Variants in DZANK1 observed in about 807,000 individuals in gnomAD.
DZANK1 encodes the protein double zinc ribbon and ankyrin repeat-containing protein 1.
DZANK1 carries 91 observed loss-of-function variants against 94.5 expected under a neutral mutation model. That is an observed-to-expected ratio of 0.96 (90% CI 0.81 to 1.15). The LOEUF is 1.15. DZANK1 is among the 50% of genes most tolerant of loss of function. The probability of loss-of-function intolerance (pLI) is 0.00; values close to 1 mark genes in which losing one functional copy is unlikely to be tolerated. For missense variants in DZANK1, 903 were observed against 916.4 expected (o/e 0.99, Z 0.19); for synonymous variants, 312 against 325.3 (o/e 0.96, Z 0.44).
At position 18,456,476 on chromosome 20, in the gene DZANK1, A is replaced by G. The variant is rs75036189; in HGVS notation, c.264-1115T>C. Among the ~76,000 whole-genome samples, 1,234 of 152,332 alleles carry G rather than the reference A, an allele frequency of 8.1e-3. 23 individuals are homozygous for G. Among genetic ancestry groups the G allele is most frequent in the African/African-American group, 0.028 (1,177 of 41,582 alleles). ...TTAAGTTTCTGGTTCAACGGAATTC[A>G]GTCAATGTAATGTACACAATTTTGT... is the stretch of plus-strand genomic sequence containing the variant. On this transcript the variant is annotated intron_variant, in intron 3 of 20. Transcript: ENST00000262547.
Position 18,412,640 on chromosome 20 carries a change from C to G in DZANK1, c.1432+6G>C. On this transcript the variant is annotated splice_donor_region_variant and intron_variant, in intron 13 of 20. Transcript: ENST00000262547. Reference sequence around the variant, plus strand: ...CGACCAGAAGAAAGGGCATCCTCCCCCTTACCTCTTCCTGGGCTGATGGCT... The same window carrying G: ...CGACCAGAAGAAAGGGCATCCTCCCGCTTACCTCTTCCTGGGCTGATGGCT... 6.2e-7 allele frequency: 1 copy of G among 1,612,220 alleles called. No homozygotes were observed. The highest frequency in any genetic ancestry group is 8.5e-7 in the Non-Finnish European group (1 of 1,179,584).
At position 18,400,012 on chromosome 20, in the gene DZANK1, A is replaced by G. The variant is rs140335270; in HGVS notation, c.1433-1386T>C. Among the ~76,000 whole-genome samples, 350 of 152,342 alleles carry G rather than the reference A, an allele frequency of 2.3e-3. 2 individuals carry two copies. Among genetic ancestry groups the G allele is most frequent in the African/African-American group, 8.0e-3 (334 of 41,584 alleles). On this transcript the variant is annotated intron_variant, in intron 13 of 20. Transcript: ENST00000262547. ...TCAGACAAGCCTGCGTTTAAATCCTAAATCTACCATTTATTAGCTTAGTGA... is the reference window on the plus strand; with the variant it reads ...TCAGACAAGCCTGCGTTTAAATCCTGAATCTACCATTTATTAGCTTAGTGA...
chr20:18,399,386 C>T (rs367612912), intron 13 of DZANK1, among the ~76,000 whole-genome samples: 2 of 152,028 alleles, frequency 1.3e-5, no homozygotes, highest in East Asian at 3.9e-4. Context: ...CGCACCACAA[C>T]GCCTGGCTAG....
intron 19 of DZANK1, among the ~76,000 whole-genome samples, chr20:18,385,989 A>G (rs2048468685): frequency 6.6e-6 from 1 of 152,158 alleles, no homozygotes; most frequent in South Asian, 2.1e-4. Flanking sequence ...GCTCCTATGC[A>G]GAGGTGGCAG....
chr20:18,439,738 A>T (rs1269912816), intron 8 of DZANK1, among the ~76,000 whole-genome samples: 3 of 152,172 alleles, frequency 2.0e-5, no homozygotes, highest in Non-Finnish European at 2.9e-5. Flanking sequence ...TTGATATCTT[A>T]GTGATGGAAG....
chr20:18,415,054 AG>A (rs2057423627), intron 11 of DZANK1, among the ~76,000 whole-genome samples: 2 of 152,348 alleles, frequency 1.3e-5, no homozygotes, highest in South Asian at 4.1e-4. Context: ...TTTATTATAA[AG>A]GCAGGCAGAC....
intron 7 of DZANK1, among the ~76,000 whole-genome samples, chr20:18,447,994 T>C (rs1224599721): frequency 6.6e-6 from 1 of 152,212 alleles, no homozygotes; most frequent in Non-Finnish European, 1.5e-5. Context: ...AATTATTTTA[T>C]TGTATCTGTT....
At chr20:18,409,741 T>C (rs2057146464) in intron 13 of DZANK1, among the ~76,000 whole-genome samples, 1 of 151,992 alleles carries the variant, frequency 6.6e-6, no homozygotes, top group African/African-American at 2.4e-5. Flanking sequence ...CTATAACATA[T>C]AGAAATAAGA....
intron 9 of DZANK1, 95 bp downstream of exon 9, chr20:18,433,557 T>C (rs1316074040): frequency 9.4e-7 from 1 of 1,063,280 alleles, no homozygotes; most frequent in African/African-American, 1.6e-5. Context: ...AAAAAAAAAA[T>C]TGTTACCCCA....
chr20:18,426,176 C>T lies in DZANK1; in HGVS notation c.954+891G>A, dbSNP rs545201528. On this transcript the variant is annotated intron_variant, in intron 10 of 20. Coordinates refer to ENST00000262547, the Ensembl canonical transcript of DZANK1. ...ATCAGATCAGCGGCAGCATTCGATTCTCATAGGAGTGCAAACCCTATTGTG... is the reference window on the plus strand; with the variant it reads ...ATCAGATCAGCGGCAGCATTCGATTTTCATAGGAGTGCAAACCCTATTGTG... Among the ~76,000 whole-genome samples the T allele has an allele frequency of 2.6e-5, 4 of 152,278 alleles. No homozygotes were observed. In the East Asian group the frequency reaches 7.7e-4, roughly 29 times the overall value.
intron 9 of DZANK1, among the ~76,000 whole-genome samples, chr20:18,429,764 A>T (rs1387185270): frequency 6.6e-6 from 1 of 152,140 alleles, no homozygotes; most frequent in Non-Finnish European, 1.5e-5. Flanking sequence ...AGGTTTTTCT[A>T]TGTTTTTATT....
chr20:18,386,426 C>A (rs2048498813), intron 19 of DZANK1, among the ~76,000 whole-genome samples: 1 of 152,032 alleles, frequency 6.6e-6, no homozygotes, highest in South Asian at 2.1e-4. Flanking sequence ...TACACAAACA[C>A]AAGGAATTTA....
chr20:18,384,780 A>C (rs2048382763), intron 20 of DZANK1, among the ~76,000 whole-genome samples: 1 of 152,182 alleles, frequency 6.6e-6, no homozygotes. Context: ...TCCAATTGCA[A>C]ATCCTGGCCA....
intron 8 of DZANK1, among the ~76,000 whole-genome samples, chr20:18,440,586 G>C (rs528358150): frequency 1.7e-4 from 26 of 152,130 alleles, no homozygotes; most frequent in Admixed American, 3.3e-4. Context: ...TGGGTCCCTA[G>C]AATGCAACAG....
chr20:18,462,932 G>A (rs1286131745), intron 2 of DZANK1, among the ~76,000 whole-genome samples: 4 of 74,842 alleles, frequency 5.3e-5, no homozygotes, highest in African/African-American at 1.7e-4. Flanking sequence ...AGTAAGACTC[G>A]GTCTTAAAAA....
intron 9 of DZANK1, among the ~76,000 whole-genome samples, chr20:18,429,302 A>G (rs1330633207): frequency 6.6e-6 from 1 of 152,210 alleles, no homozygotes; most frequent in Non-Finnish European, 1.5e-5. Context: ...GGCTTCCTTC[A>G]AGACCTCACC....
At chr20:18,412,959 A>T in intron 12 of DZANK1, 106 bp from the exon 13 acceptor site, 1 of 1,088,146 alleles carries the variant, frequency 9.2e-7, no homozygotes, top group Non-Finnish European at 1.3e-6. Context: ...TATCTCAAGA[A>T]AAGTGTACTT....
intron 10 of DZANK1, among the ~76,000 whole-genome samples, chr20:18,417,265 T>C (rs1387958004): frequency 6.6e-6 from 1 of 152,224 alleles, no homozygotes; most frequent in East Asian, 1.9e-4. Context: ...TGTTGATAGA[T>C]GAGACCCAGA....
In DZANK1 at chr20:18,390,360, C is replaced by T; in HGVS notation, c.1890+19G>A. The T allele has an allele frequency of 6.2e-7, 1 of 1,612,654 alleles. No homozygotes were observed. The highest frequency in any genetic ancestry group is 8.5e-7 in the Non-Finnish European group (1 of 1,178,706). On this transcript the variant is annotated intron_variant, in intron 18 of 20. Transcript: ENST00000262547. The stretch of plus-strand genomic sequence containing the variant: ...AGGCTGAACTCTTCAGAGAGACTGG[C>T]TCCTTTGGCAACACTTACCTCATCC...
Sources: gnomAD v4.1 joint callset for allele counts (sites outside exome capture counted in the v4.1 genomes callset) on GRCh38, gnomAD v4.1.1 for gene constraint, MANE v1.5 for transcripts, NCBI Gene and HGNC (gene_info 2026-07-23, HGNC 2026-07-21) for gene names.